OTUD7A: variants seen among roughly 807,000 people sequenced by gnomAD.
The protein encoded by OTUD7A is OTU domain-containing protein 7A.
Under a neutral mutation model 65.7 loss-of-function variants are expected in OTUD7A, and 12 were observed. The ratio of observed to expected loss-of-function variants is 0.18; its 90% CI spans 0.12 to 0.30. The LOEUF (loss-of-function observed/expected upper bound fraction) is 0.30. OTUD7A is among the 10% of genes least tolerant of loss of function. The pLI is 1.00. For synonymous variants in OTUD7A, 641 were observed against 586.3 expected (o/e 1.09, Z -1.35); for missense variants, 1,148 against 1,304.8 (o/e 0.88, Z 1.85).
At position 31,499,356 on chromosome 15, in the gene OTUD7A, G is replaced by C. The variant is rs548938983; in HGVS notation, c.1171+2334C>G. ...GGGTGACACCTGTGCTTCACAGTGG[G>C]GGCCGGTGGCATCCTGGGGCTCGAT... On this transcript the variant is annotated intron_variant, in intron 10 of 12. Transcript: ENST00000307050. 4.6e-5 allele frequency among the ~76,000 whole-genome samples: 7 copies of C among 152,260 alleles called. No homozygotes were observed. The East Asian group carries it at 1.2e-3, about 25-fold the overall frequency.
intron 3 of OTUD7A, among the ~76,000 whole-genome samples, chr15:31,623,449 C>G (rs1171798065): frequency 6.6e-6 from 1 of 152,230 alleles, no homozygotes; most frequent in Non-Finnish European, 1.5e-5. Flanking sequence ...TTTACCTACT[C>G]AAGCCTGAGC....
At chr15:31,816,143 C>G (rs1896544038) in intron 1 of OTUD7A, among the ~76,000 whole-genome samples, 1 of 152,186 alleles carries the variant, frequency 6.6e-6, no homozygotes, top group Non-Finnish European at 1.5e-5. Flanking sequence ...TCTTTCCAGC[C>G]CATATCAGAA....
At position 31,487,200 on chromosome 15, in the gene OTUD7A, C is replaced by T. The variant is rs766267072; in HGVS notation, c.1365G>A (p.Glu455=). The change falls in exon 12 of 13, where the codon GAG becomes GAA. Residue 455 remains glutamate (E), a synonymous_variant. Transcript: ENST00000307050. The surrounding 1 kb of genome is among the most constrained non-coding windows in gnomAD (Gnocchi z 6.0). ...CCAGCACAGCCAGGCTCACCCGTGT[C>T]TCGGAGGGGATCCGGATCCACGTCA... ...MNVTWIRIPS[E]TRAPLAQPES... The T allele has an allele frequency of 1.2e-6, 2 of 1,613,676 alleles. No individual in the cohort carries two copies. The highest frequency in any genetic ancestry group is 1.1e-5 in the South Asian group (1 of 91,040).
Position 31,860,685 on chromosome 15 carries a change from A to G in OTUD7A, c.-100+9822T>C, listed in dbSNP as rs1389946885. Among the ~76,000 whole-genome samples the G allele has an allele frequency of 1.6e-4, 20 of 122,480 alleles. 3 individuals are homozygous for G. The highest frequency in any genetic ancestry group is 7.7e-3 in the Middle Eastern group (2 of 260). The allele number at this position is 122,480 out of a possible 152,430, so 80.4% of individuals were successfully genotyped here. ...TATATAGATGTATGTGTGTATATAT[A>G]TATATATATATATATGTATGTATAT... On this transcript the variant is annotated intron_variant, in intron 1 of 12. Coordinates refer to ENST00000307050, the MANE Select transcript of OTUD7A (RefSeq NM_001382637.1).
chr15:31,708,700 A>C (rs953029168), intron 1 of OTUD7A, among the ~76,000 whole-genome samples: 1 of 152,318 alleles, frequency 6.6e-6, no homozygotes, highest in Middle Eastern at 3.4e-3. Context: ...AGGAAGAGGA[A>C]GCAATTAACC....
intron 3 of OTUD7A, among the ~76,000 whole-genome samples, chr15:31,610,665 A>C (rs1464850962): frequency 9.1e-6 from 1 of 109,994 alleles, no homozygotes; most frequent in Non-Finnish European, 1.7e-5. Context: ...TCTGTTGCCC[A>C]GGCTGGAATG....
intron 5 of OTUD7A, among the ~76,000 whole-genome samples, chr15:31,548,757 T>C (rs1378950192): frequency 2.0e-5 from 3 of 152,252 alleles, no homozygotes; most frequent in East Asian, 3.9e-4. Flanking sequence ...ACATCCATGG[T>C]TCTGATTGTC....
intron 1 of OTUD7A, among the ~76,000 whole-genome samples, chr15:31,711,866 G>A (rs992387506): frequency 2.3e-4 from 35 of 151,958 alleles, no homozygotes; most frequent in Non-Finnish European, 4.3e-4. Flanking sequence ...TGGCTGGAAG[G>A]CCATGGCCAC....
chr15:31,710,530 C>A (rs1213805842), intron 1 of OTUD7A, among the ~76,000 whole-genome samples: 3 of 152,122 alleles, frequency 2.0e-5, no homozygotes, highest in Non-Finnish European at 4.4e-5. Flanking sequence ...CAGAGCAGGA[C>A]AGCAAGACCT....
At chr15:31,718,294 A>G (rs1893646677) in intron 1 of OTUD7A, among the ~76,000 whole-genome samples, 4 of 152,194 alleles carry the variant, frequency 2.6e-5, no homozygotes, top group African/African-American at 9.7e-5. Flanking sequence ...TGGTTTTAGC[A>G]TGGAATGAAA....
chr15:31,618,401 TAA>T (rs1049507410), intron 3 of OTUD7A, among the ~76,000 whole-genome samples: 1 of 152,256 alleles, frequency 6.6e-6, no homozygotes, highest in Non-Finnish European at 1.5e-5. Flanking sequence ...ACCAACAATG[TAA>T]AAGTGTTCCT....
At chr15:31,870,326 GCCCGCGCCCCCCGCGTC>G (rs1352354525) in intron 1 of OTUD7A, among the ~76,000 whole-genome samples, 164 bp downstream of exon 1, 4 of 146,614 alleles carry the variant, frequency 2.7e-5, no homozygotes, top group Admixed American at 2.0e-4. Context: ...CCCAGCCGGG[GCCCGCGCCCCCCGCGTC>G]CCCGCGCCCC....
chr15:31,731,489 G>A (rs962151995), intron 1 of OTUD7A, among the ~76,000 whole-genome samples: 1 of 152,196 alleles, frequency 6.6e-6, no homozygotes, highest in Non-Finnish European at 1.5e-5. Flanking sequence ...TGACTGACAT[G>A]TTGGAAGAGG....
chr15:31,623,555 C>T (rs1384300293), intron 3 of OTUD7A, among the ~76,000 whole-genome samples: 3 of 152,236 alleles, frequency 2.0e-5, no homozygotes, highest in Non-Finnish European at 4.4e-5. Flanking sequence ...GGCGTGGGAC[C>T]CTCCGAGCCA....
intron 1 of OTUD7A, among the ~76,000 whole-genome samples, chr15:31,672,139 T>G (rs1483681): frequency 0.047 from 7,119 of 152,290 alleles, 321 homozygotes; most frequent in African/African-American, 0.12. Flanking sequence ...AAAACAAAAT[T>G]GAAAGTTTCA....
intron 1 of OTUD7A, among the ~76,000 whole-genome samples, chr15:31,722,100 A>T (rs1378890239): frequency 6.6e-6 from 1 of 152,214 alleles, no homozygotes; most frequent in African/African-American, 2.4e-5. Context: ...GCACAGTCTC[A>T]TCAGCCCTTG....
At chr15:31,765,035 T>C (rs1179859173) in intron 1 of OTUD7A, among the ~76,000 whole-genome samples, 9 of 147,114 alleles carry the variant, frequency 6.1e-5, no homozygotes, top group African/African-American at 1.2e-4. Flanking sequence ...GAAAGGCACA[T>C]AGCAGTTGCT....
intron 1 of OTUD7A, among the ~76,000 whole-genome samples, chr15:31,746,050 T>C (rs1302136908): frequency 6.6e-6 from 1 of 152,158 alleles, no homozygotes; most frequent in Admixed American, 6.5e-5. Flanking sequence ...TTGACAAGGA[T>C]GGGGAGCATC....
intron 3 of OTUD7A, among the ~76,000 whole-genome samples, chr15:31,575,868 C>A (rs1177784210): frequency 2.0e-5 from 3 of 152,188 alleles, no homozygotes; most frequent in African/African-American, 7.2e-5. Flanking sequence ...GTGCTGAATA[C>A]ACGGGATGTG....
Sources: gnomAD v4.1 joint callset for allele counts (sites outside exome capture counted in the v4.1 genomes callset) on GRCh38, gnomAD v4.1.1 for gene constraint, Gnocchi (gnomAD v3.1) non-coding constraint, MANE v1.5 for transcripts, NCBI Gene and HGNC (gene_info 2026-07-23, HGNC 2026-07-21) for gene names.